Variants in NXN observed in about 807,000 individuals in gnomAD.
The protein encoded by NXN is nucleoredoxin 1.
In NXN, 16 loss-of-function variants were observed where a neutral mutation model predicts 48.6. The observed-to-expected ratio is 0.33, with a 90% CI of 0.22 to 0.50. The LOEUF (loss-of-function observed/expected upper bound fraction) is 0.50. Ranked by LOEUF, NXN falls within the 20% of genes least tolerant of loss-of-function variation. NXN has a pLI of 0.98. For synonymous variants in NXN, 281 were observed against 269.6 expected, an observed-to-expected ratio of 1.04 and a Z score of -0.41; for missense variants, 492 against 605.5, an observed-to-expected ratio of 0.81 and a Z score of 1.97.
intron 1 of NXN, among the ~76,000 whole-genome samples, chr17:827,521 G>GCA: frequency 6.6e-6 from 1 of 152,324 alleles, no homozygotes; most frequent in South Asian, 2.1e-4. Context: ...TACTCGGGAG[G>GCA]CTGAGGCAGG....
chr17:929,794 T>C (rs150170327), intron 1 of NXN: 75 of 146,304 alleles, frequency 5.1e-4, no homozygotes, highest in African/African-American at 1.7e-3. Context: ...ACTTCCGTTT[T>C]TAATCTTCTT....
chr17:874,242 G>A (rs1030659690), intron 1 of NXN, among the ~76,000 whole-genome samples: 3 of 152,100 alleles, frequency 2.0e-5, no homozygotes, highest in African/African-American at 7.2e-5. Flanking sequence ...AGTTTCCCGA[G>A]GCCTCCCCAG....
chr17:800,795 TGAG>T lies in NXN; in HGVS notation c.*151_*153del, dbSNP rs1377727476. ...TGATTCCACACCCCAGGGTGCTGGC[TGAG>T]GAGTTTACTGCAGAAACAAGGCACC... is the stretch of plus-strand genomic sequence containing the variant. On this transcript the variant is annotated 3_prime_UTR_variant, in exon 8 of 8. Coordinates refer to ENST00000336868, the MANE Select transcript of NXN (RefSeq NM_022463.5). 1.4e-5 allele frequency: 6 copies of T among 443,832 alleles called. No homozygotes were observed. In the South Asian group the frequency reaches 2.2e-4, roughly 16 times the overall value. The allele number at this position is 443,832 out of a possible 1,614,324, so 27.5% of individuals were successfully genotyped here.
chr17:964,323 C>G (rs921346933), intron 1 of NXN, among the ~76,000 whole-genome samples: 1 of 152,252 alleles, frequency 6.6e-6, no homozygotes, highest in African/African-American at 2.4e-5. Flanking sequence ...AGGGGCAGAA[C>G]AGATCCAGAG....
intron 1 of NXN, among the ~76,000 whole-genome samples, chr17:885,005 G>A (rs2068327319): frequency 6.6e-6 from 1 of 152,196 alleles, no homozygotes; most frequent in African/African-American, 2.4e-5. Context: ...CCTATGGCGA[G>A]CGCCATCCCC....
At chr17:866,167 GAA>G (rs2068093897) in intron 1 of NXN, among the ~76,000 whole-genome samples, 1 of 152,198 alleles carries the variant, frequency 6.6e-6, no homozygotes, top group South Asian at 2.1e-4. Flanking sequence ...ATGCCGATAG[GAA>G]GAGACTGGCA....
chr17:964,157 G>A (rs2069274148), intron 1 of NXN, among the ~76,000 whole-genome samples: 1 of 152,204 alleles, frequency 6.6e-6, no homozygotes, highest in Admixed American at 6.5e-5. Context: ...ATGAAGTCAT[G>A]CTGAGCAGAG....
chr17:878,782 G>C (rs1430390401), intron 1 of NXN, among the ~76,000 whole-genome samples: 1 of 152,188 alleles, frequency 6.6e-6, no homozygotes, highest in African/African-American at 2.4e-5. Context: ...AGATGCGTCA[G>C]TGAGACCCTA....
chr17:868,578 G>A (rs772331298), intron 1 of NXN, among the ~76,000 whole-genome samples: 7 of 152,086 alleles, frequency 4.6e-5, no homozygotes, highest in East Asian at 1.9e-4. Context: ...TGCAACCTCC[G>A]CCTCCCGGGT....
In NXN at chr17:920,046, C is replaced by T. The variant is rs1178136600; in HGVS notation, c.360+59273G>A. On this transcript the variant is annotated intron_variant, in intron 1 of 7. Coordinates refer to ENST00000336868, the MANE Select transcript of NXN (RefSeq NM_022463.5). This position sits in a 1 kb window ranked among gnomAD's most constrained non-coding sequence, Gnocchi z 4.6. ...GAGGACCTCCGCCTCCAACTCTCTT[C>T]GAGCCACCACGCGGTGCAAATGTTT... is the stretch of plus-strand genomic sequence containing the variant. 1.3e-5 allele frequency among the ~76,000 whole-genome samples: 2 copies of T among 152,120 alleles called. No individual in the cohort carries two copies. The highest frequency in any genetic ancestry group is 4.8e-5 in the African/African-American group (2 of 41,426).
intron 1 of NXN, among the ~76,000 whole-genome samples, chr17:911,693 C>T (rs2068638346): frequency 6.6e-6 from 1 of 151,586 alleles, no homozygotes; most frequent in South Asian, 2.1e-4. Context: ...GTCTTGATCT[C>T]CTGACCTCGT....
intron 1 of NXN, among the ~76,000 whole-genome samples, chr17:950,969 C>A (rs1464513864): frequency 6.6e-6 from 1 of 151,912 alleles, no homozygotes. Flanking sequence ...CTAACTAGTA[C>A]AAGGTCCAAT....
At chr17:899,353 A>G (rs1454908219) in intron 1 of NXN, among the ~76,000 whole-genome samples, 1 of 152,196 alleles carries the variant, frequency 6.6e-6, no homozygotes, top group Non-Finnish European at 1.5e-5. Flanking sequence ...CATTAATTCA[A>G]CAAATATTGA....
Position 823,755 on chromosome 17 carries a change from G to C in NXN, c.489C>G (p.Phe163Leu). Residue 163 changes from phenylalanine (F) to leucine (L), a missense_variant, in exon 3 of 8, where the codon TTC becomes TTG. Transcript: ENST00000336868. ...VIRDDPEGLEFPWGPKPFREV... is the reference protein window; with the variant it reads ...VIRDDPEGLELPWGPKPFREV... ...CCCTGAAGGGTTTCGGTCCCCAGGG[G>C]AACTCCAGACCTGAAACAGAAAACA... The C allele has an allele frequency of 6.2e-7, 1 of 1,614,090 alleles. No homozygotes were observed. Among genetic ancestry groups the C allele is most frequent in the Non-Finnish European group, 8.5e-7 (1 of 1,180,002 alleles).
chr17:867,926 G>A (rs991132419), intron 1 of NXN, among the ~76,000 whole-genome samples: 2 of 151,996 alleles, frequency 1.3e-5, no homozygotes, highest in Non-Finnish European at 2.9e-5. Context: ...AATGTACCTT[G>A]CAAAGAGTGT....
At chr17:801,251 A>C in intron 7 of NXN, 120 bp from the exon 8 acceptor site, 1 of 648,318 alleles carries the variant, frequency 1.5e-6, no homozygotes, top group Non-Finnish European at 2.2e-6. Flanking sequence ...GGCGTTTCCC[A>C]AGCAGAGGGC....
In NXN at chr17:849,507, T is replaced by C. The variant is rs1363619091; in HGVS notation, c.361-23429A>G. 6.8e-6 allele frequency among the ~76,000 whole-genome samples: 1 copy of C among 148,142 alleles called. No individual in the cohort carries two copies. Among genetic ancestry groups the C allele is most frequent in the Non-Finnish European group, 1.5e-5 (1 of 66,718 alleles). On this transcript the variant is annotated intron_variant, in intron 1 of 7. Transcript: ENST00000336868. This position sits in a 1 kb window ranked among gnomAD's most constrained non-coding sequence, Gnocchi z 4.2. ...GAGATCGCACCACTGCACTCCATCC[T>C]GGACGACAGACAAAAAAAAAAGATG...
chr17:826,799 G>A (rs1357762250), intron 1 of NXN, among the ~76,000 whole-genome samples: 2 of 152,320 alleles, frequency 1.3e-5, no homozygotes, highest in Non-Finnish European at 1.5e-5. Flanking sequence ...TCGGCTCTCG[G>A]TGCCGCGTAA....
intron 1 of NXN, among the ~76,000 whole-genome samples, chr17:843,040 G>GAAAGA (rs1555613134): frequency 1.1e-4 from 15 of 140,076 alleles, no homozygotes; most frequent in South Asian, 2.2e-4. Flanking sequence ...AAGAAAGAAA[G>GAAAGA]AAAGAAAGAA....
Sources: allele counts gnomAD v4.1 joint callset (sites outside exome capture counted in the v4.1 genomes callset), GRCh38; gene constraint gnomAD v4.1.1; non-coding constraint Gnocchi (gnomAD v3.1); transcripts MANE v1.5; gene names NCBI Gene and HGNC (gene_info 2026-07-23, HGNC 2026-07-21).